The following CR1L variants were observed in gnomAD, a reference collection of about 807,000 sequenced individuals.
The protein encoded by CR1L is complement C3b/C4b receptor 1 like, also known as complement component receptor 1-like protein.
In CR1L, 59 loss-of-function variants were observed where a neutral mutation model predicts 62.3. That is an observed-to-expected ratio of 0.95 (90% CI 0.77 to 1.18). The LOEUF (loss-of-function observed/expected upper bound fraction) is 1.18. Among genes scored for constraint, CR1L ranks in the 50% most tolerant of loss-of-function variants. The probability of loss-of-function intolerance (pLI) is 0.00; values close to 1 mark genes in which losing one functional copy is unlikely to be tolerated. For synonymous variants in CR1L, 279 were observed against 248.7 expected (o/e 1.12, Z -1.15); for missense variants, 700 against 702.8 (o/e 1.00, Z 0.04).
intron 11 of CR1L, among the ~76,000 whole-genome samples, chr1:207,723,027 A>G (rs1273176515): frequency 6.6e-6 from 1 of 152,234 alleles, no homozygotes; most frequent in Non-Finnish European, 1.5e-5. Flanking sequence ...ACATACCAGA[A>G]GAGAATGTAT....
At chr1:207,667,157 C>T (rs1468658264) in intron 1 of CR1L, among the ~76,000 whole-genome samples, 5 of 152,218 alleles carry the variant, frequency 3.3e-5, no homozygotes, top group African/African-American at 9.6e-5. Flanking sequence ...GAAAAACTTT[C>T]GCTGCTTAAC....
chr1:207,681,844 A>G (rs1185083523), intron 3 of CR1L, among the ~76,000 whole-genome samples: 1 of 152,206 alleles, frequency 6.6e-6, no homozygotes, highest in Non-Finnish European at 1.5e-5. Flanking sequence ...TTTGTTCTCT[A>G]TTTGTGTGCA....
At chr1:207,657,486 G>T in intron 1 of CR1L, 1 of 457,884 alleles carries the variant, frequency 2.2e-6, no homozygotes, top group Non-Finnish European at 3.9e-6. Flanking sequence ...GTTCTAGCTA[G>T]AGTTCTCTAT....
rs1664298653 is a variant in CR1L at position 207,708,178 on chromosome 1, G to A, written c.1329G>A (p.Gly443=). The A allele has an allele frequency of 2.5e-6, 4 of 1,611,022 alleles. No homozygotes were observed. In the East Asian group the frequency reaches 8.9e-5, roughly 36 times the overall value. The stretch of plus-strand genomic sequence containing the variant: ...ATTATTTTCCATTTTTTGCCTTTAG[G>A]CACCGACTCATTGGTCACTCATCTG... The part of the protein sequence containing the change: ...GSRINYSCTT[G]HRLIGHSSAE... Residue 443 remains glycine (G), a splice_region_variant and synonymous_variant, in exon 10 of 12, where the codon GGG becomes GGA. Transcript: ENST00000508064.
At chr1:207,648,990 G>T (rs1571639814) in intron 1 of CR1L, among the ~76,000 whole-genome samples, 1 of 152,296 alleles carries the variant, frequency 6.6e-6, no homozygotes, top group South Asian at 2.1e-4. Context: ...CTACTATGAG[G>T]GACATATTGT....
At chr1:207,699,852 G>A (rs542006104) in intron 8 of CR1L, among the ~76,000 whole-genome samples, 2 of 152,160 alleles carry the variant, frequency 1.3e-5, no homozygotes, top group African/African-American at 4.8e-5. Context: ...ACTCAGGTAG[G>A]GAGAAGGACA....
At chr1:207,720,388 T>C (rs962459900) in intron 11 of CR1L, among the ~76,000 whole-genome samples, 1 of 152,208 alleles carries the variant, frequency 6.6e-6, no homozygotes, top group South Asian at 2.1e-4. Context: ...TTGCTTAAGA[T>C]ACCAGTCCTA....
chr1:207,662,402 T>C (rs1571646287), intron 1 of CR1L, among the ~76,000 whole-genome samples: 1 of 152,254 alleles, frequency 6.6e-6, no homozygotes, highest in Admixed American at 6.5e-5. Flanking sequence ...TCATTTGATC[T>C]TCCATCTCTG....
chr1:207,652,679 A>G lies in CR1L; in HGVS notation c.97+7349A>G, dbSNP rs1027043632. On this transcript the variant is annotated intron_variant, in intron 1 of 11. Transcript: ENST00000508064. ...TTCTACGTACCTCCTCTTGCCACCC[A>G]TACTATTTGTGATCGGAATCACACA... 35 of 979,590 alleles carry G rather than the reference A, an allele frequency of 3.6e-5. No individual in the cohort carries two copies. In the Admixed American group the frequency reaches 5.6e-4, roughly 16 times the overall value. The allele number at this position is 979,590 out of a possible 1,614,324, so 60.7% of individuals were successfully genotyped here.
chr1:207,701,823 A>G (rs1170663652), intron 9 of CR1L: 1 of 793,758 alleles, frequency 1.3e-6, no homozygotes, highest in African/African-American at 1.7e-5. Context: ...GGCAGTGCAC[A>G]CATAAAGAGT....
chr1:207,646,946 G>A (rs1248262174), intron 1 of CR1L, among the ~76,000 whole-genome samples: 1 of 152,114 alleles, frequency 6.6e-6, no homozygotes, highest in African/African-American at 2.4e-5. Context: ...TATGGGTCTT[G>A]TATGTCTGGT....
At chr1:207,692,011 G>T (rs556951803) in intron 4 of CR1L, among the ~76,000 whole-genome samples, 2 of 152,316 alleles carry the variant, frequency 1.3e-5, no homozygotes, top group Admixed American at 6.5e-5. Context: ...TACAGAAACA[G>T]CCCGATTGGT....
intron 9 of CR1L, among the ~76,000 whole-genome samples, chr1:207,703,901 C>T (rs566047763): frequency 6.6e-6 from 1 of 151,928 alleles, no homozygotes; most frequent in African/African-American, 2.4e-5. Flanking sequence ...TTCCAGTGAG[C>T]CGAGATTGCG....
chr1:207,710,444 T>C, intron 10 of CR1L: 2 of 1,586,426 alleles, frequency 1.3e-6, no homozygotes, highest in South Asian at 1.1e-5. Flanking sequence ...CGACAGAGAG[T>C]ATTTTCACTA....
intron 10 of CR1L, among the ~76,000 whole-genome samples, chr1:207,712,836 G>A (rs1411592180): frequency 6.6e-6 from 1 of 152,200 alleles, no homozygotes; most frequent in Admixed American, 6.5e-5. Flanking sequence ...CTCCAGCTTG[G>A]GGCTAAGGTA....
intron 1 of CR1L, among the ~76,000 whole-genome samples, chr1:207,663,053 C>T (rs1663450416): frequency 1.3e-5 from 2 of 152,202 alleles, no homozygotes; most frequent in African/African-American, 4.8e-5. Context: ...CAGTCCGCCC[C>T]TACTGGGGGG....
In CR1L at chr1:207,710,770, C is replaced by A. The variant is rs570549600; in HGVS notation, c.1414+2507C>A. 3 of 1,602,796 alleles carry A rather than the reference C, an allele frequency of 1.9e-6. No homozygotes were observed. In the South Asian group the frequency reaches 3.3e-5, roughly 18 times the overall value. On this transcript the variant is annotated intron_variant, in intron 10 of 11. Coordinates refer to ENST00000508064, the MANE Select transcript of CR1L (RefSeq NM_175710.2). The stretch of plus-strand genomic sequence containing the variant: ...CTGAACAAATGGGAGCCGGAGCTAC[C>A]AAGCTGCTCCAGGGGTGTGTTTGCC...
chr1:207,722,659 A>C (rs1654164794), intron 11 of CR1L, among the ~76,000 whole-genome samples: 3 of 152,172 alleles, frequency 2.0e-5, no homozygotes, highest in Admixed American at 2.0e-4. Context: ...TTGTCCATTA[A>C]ATTAACGACA....
rs370437126 is a variant in CR1L at position 207,652,749 on chromosome 1, C to G, written c.97+7419C>G. 38 of 739,280 alleles carry G rather than the reference C, an allele frequency of 5.1e-5. No individual in the cohort carries two copies. The African/African-American group carries it at 5.7e-4, about 11-fold the overall frequency. The allele number at this position is 739,280 out of a possible 1,614,324, so 45.8% of individuals were successfully genotyped here. On this transcript the variant is annotated intron_variant, in intron 1 of 11. Transcript: ENST00000508064. ...AGCCCTGTTATAGTAAATAAACTAG[C>G]CTTTTTTTTTTGTTTTCTGCTTGCT...
Sources: allele counts gnomAD v4.1 joint callset (sites outside exome capture counted in the v4.1 genomes callset), GRCh38; gene constraint gnomAD v4.1.1; transcripts MANE v1.5; gene names NCBI Gene and HGNC (gene_info 2026-07-23, HGNC 2026-07-21).